The following MYO15B variants were observed in gnomAD, a reference collection of about 807,000 sequenced individuals.
The protein encoded by MYO15B is myosin XVB pseudogene.
MYO15B carries 207 observed loss-of-function variants against 119.3 expected under a neutral mutation model. The ratio of observed to expected loss-of-function variants is 1.73; its 90% CI spans 1.55 to 1.95. The LOEUF (loss-of-function observed/expected upper bound fraction) is 1.95. MYO15B is among the 30% of genes most tolerant of loss of function. The pLI is 0.00. For missense variants in MYO15B, 2,264 were observed against 1,203.1 expected, an observed-to-expected ratio of 1.88 and a Z score of -13.04; for synonymous variants, 966 against 498.9, an observed-to-expected ratio of 1.94 and a Z score of -12.48.
Position 75,618,891 on chromosome 17 carries a change from G to C in MYO15B, c.6988-252G>C, listed in dbSNP as rs1274197964. ...CTGATCCAAGGGCAGTTACCACGGG[G>C]TCTCTGGGCAGTGAGTGAAAAGGGA... On this transcript the variant is annotated intron_variant, in intron 43 of 63. Transcript: ENST00000645453. Among the ~76,000 whole-genome samples the C allele has an allele frequency of 2.6e-5, 4 of 152,324 alleles. No individual in the cohort carries two copies. In the Middle Eastern group the frequency reaches 0.01, roughly 389 times the overall value.
chr17:75,610,081 A>G, intron 21 of MYO15B, 85 bp from the exon 22 acceptor site: 1 of 562,020 alleles, frequency 1.8e-6, no homozygotes, highest in Admixed American at 2.9e-5. Context: ...TTTTACATGA[A>G]TGTCAGGCTT....
intron 52 of MYO15B, 104 bp downstream of exon 52, chr17:75,621,674 G>C (rs2058720622): frequency 1.6e-6 from 1 of 635,106 alleles, no homozygotes; most frequent in African/African-American, 1.8e-5. Flanking sequence ...GTCCCAGTCT[G>C]CCAACTCCGG....
At chr17:75,592,206 TG>T in intron 6 of MYO15B, 31 bp from the exon 7 acceptor site, 1 of 702,408 alleles carries the variant, frequency 1.4e-6, no homozygotes, top group East Asian at 2.7e-5. Context: ...TTCTGCATCC[TG>T]GGCACTCACA....
At chr17:75,607,177 G>A (rs146939836) in intron 21 of MYO15B, 8 of 384,618 alleles carry the variant, frequency 2.1e-5, no homozygotes, top group Admixed American at 4.5e-5. Context: ...TTTCCAACAC[G>A]TTTTCATCCC....
Position 75,601,497 on chromosome 17 carries a change from T to A in MYO15B, c.3585T>A (p.Tyr1195Ter). The A allele has an allele frequency of 1.4e-6, 1 of 703,122 alleles. No homozygotes were observed. Among genetic ancestry groups the A allele is most frequent in the Non-Finnish European group, 2.6e-6 (1 of 385,028 alleles). 43.6% of individuals were successfully genotyped at this position (703,122 alleles called of 1,614,324 possible). A position where few individuals can be genotyped will look rare whatever the true frequency, so the allele number is the denominator to read the frequency against. Residue 1195 changes from tyrosine (Y) to a stop codon, truncating the protein, a stop_gained, in exon 15 of 64, where the codon TAT becomes TAA. Transcript: ENST00000645453. LOFTEE classifies it high-confidence loss of function. Reference sequence around the variant, plus strand: ...ATCACCATGGTGACCACCCCAGCTATGCCAAGCCCCGGCTGCCCCTGCCCG... The same window carrying A: ...ATCACCATGGTGACCACCCCAGCTAAGCCAAGCCCCGGCTGCCCCTGCCCG...
At chr17:75,607,140 G>A (rs899680106) in intron 21 of MYO15B, 12 of 391,604 alleles carry the variant, frequency 3.1e-5, no homozygotes, top group Non-Finnish European at 5.0e-5. Flanking sequence ...GCAGAACATC[G>A]GGGGAGCCAG....
intron 53 of MYO15B, 66 bp downstream of exon 53, chr17:75,622,146 C>A (rs1375699342): frequency 8.7e-6 from 6 of 693,354 alleles, no homozygotes; most frequent in Non-Finnish European, 1.6e-5. Context: ...GAAGGAGATC[C>A]CCTTCTCTTG....
chr17:75,607,431 AATTATTATTATTATTATTATT>A (rs71721337), intron 21 of MYO15B, among the ~76,000 whole-genome samples: 3 of 140,488 alleles, frequency 2.1e-5, no homozygotes, highest in African/African-American at 8.0e-5. Context: ...GTTAATAATT[AATTATTATTATTATTATTATT>A]ATTATTATTA....
chr17:75,624,778 G>A (rs2053242880), exon 59 of MYO15B: 1 of 702,826 alleles, frequency 1.4e-6, no homozygotes, highest in South Asian at 1.5e-5. Context: ...CAGGCCAGCT[G>A]GTGCGGCCCC....
At chr17:75,608,656 T>C (rs1326032237) in intron 21 of MYO15B, among the ~76,000 whole-genome samples, 1 of 151,856 alleles carries the variant, frequency 6.6e-6, no homozygotes, top group South Asian at 2.1e-4. Context: ...GCTACTGGTT[T>C]CAAGTGATTT....
intron 19 of MYO15B, among the ~76,000 whole-genome samples, chr17:75,603,607 C>T (rs762129024): frequency 1.3e-5 from 2 of 152,190 alleles, no homozygotes; most frequent in African/African-American, 2.4e-5. Flanking sequence ...AGTACCTGCC[C>T]TAGGCGGGGC....
At chr17:75,616,836 A>G (rs1166936851) in intron 39 of MYO15B, 38 bp from the exon 40 acceptor site, 1 of 702,976 alleles carries the variant, frequency 1.4e-6, no homozygotes, top group South Asian at 1.5e-5. Context: ...TCGGGGAATC[A>G]CCCTATGAAC....
exon 5 of MYO15B, chr17:75,591,695 G>A (rs1441637211): frequency 1.4e-6 from 1 of 702,962 alleles, no homozygotes; most frequent in Non-Finnish European, 2.6e-6. Context: ...GGATCAGACG[G>A]GGAACCGAGA....
At chr17:75,606,153 G>T in intron 21 of MYO15B, 132 bp downstream of exon 21, 1 of 577,686 alleles carries the variant, frequency 1.7e-6, no homozygotes, top group Non-Finnish European at 3.1e-6. Flanking sequence ...CATCTCATCG[G>T]CATGTGACTC....
intron 5 of MYO15B, 131 bp downstream of exon 5, chr17:75,591,843 C>G: frequency 1.5e-6 from 1 of 671,462 alleles, no homozygotes; most frequent in Non-Finnish European, 2.7e-6. Flanking sequence ...AGGCCTCTGG[C>G]GTCTCCTGGG....
intron 21 of MYO15B, among the ~76,000 whole-genome samples, chr17:75,609,209 CTTT>C (rs756034754): frequency 7.1e-6 from 1 of 141,626 alleles, no homozygotes. Flanking sequence ...TTCTGCTGCT[CTTT>C]TTTTTTTTTT....
rs2058991170 is a variant in MYO15B at position 75,625,522 on chromosome 17, C to T, written c.8805-5C>T. 9 of 702,970 alleles carry T rather than the reference C, an allele frequency of 1.3e-5. No individual in the cohort carries two copies. Among genetic ancestry groups the T allele is most frequent in the Non-Finnish European group, 2.3e-5 (9 of 385,018 alleles). The allele number at this position is 702,970 out of a possible 1,614,324, so 43.5% of individuals were successfully genotyped here. A position where few individuals can be genotyped will look rare whatever the true frequency, so the allele number is the denominator to read the frequency against. ...GGCCAAACTGACCCTGGTCACACAT[C>T]CTAGGCAGGACCTGCTAGCTTACGT... On this transcript the variant is annotated splice_polypyrimidine_tract_variant and splice_region_variant and intron_variant, in intron 60 of 63. Transcript: ENST00000645453.
At chr17:75,623,849 C>T in exon 54 of MYO15B, 3 of 644,248 alleles carry the variant, frequency 4.7e-6, no homozygotes, top group East Asian at 2.8e-5. Flanking sequence ...CGGGACACCC[C>T]CGGCCGTGAG....
Position 75,619,675 on chromosome 17 carries a change from C to A in MYO15B, c.7183-6C>A. 1 of 702,892 alleles carries A rather than the reference C, an allele frequency of 1.4e-6. No homozygotes were observed. Among genetic ancestry groups the A allele is most frequent in the South Asian group, 1.5e-5 (1 of 67,586 alleles). The allele number at this position is 702,892 out of a possible 1,614,324, so 43.5% of individuals were successfully genotyped here. On this transcript the variant is annotated splice_polypyrimidine_tract_variant and splice_region_variant and intron_variant, in intron 45 of 63. Coordinates refer to ENST00000645453, the Ensembl canonical transcript of MYO15B. ...AGACTGCCCGAGACCCACCACCTTC[C>A]TGTAGGGCGAGAGTGGCAGCGACGT...
Sources: gnomAD v4.1 joint callset for allele counts (sites outside exome capture counted in the v4.1 genomes callset) on GRCh38, gnomAD v4.1.1 for gene constraint, MANE v1.5 for transcripts, NCBI Gene and HGNC (gene_info 2026-07-23, HGNC 2026-07-21) for gene names.